The following ST6GALNAC3 variants were observed in gnomAD, a reference collection of about 807,000 sequenced individuals.
ST6GALNAC3 encodes the protein alpha-N-acetylgalactosaminide alpha-2,6-sialyltransferase 3.
ST6GALNAC3 carries 25 observed loss-of-function variants against 32.7 expected under a neutral mutation model. The observed-to-expected ratio is 0.76, with a 90% CI of 0.56 to 1.07. The LOEUF is 1.07. Ranked by LOEUF, ST6GALNAC3 falls within the 50% of genes least tolerant of loss-of-function variation. The pLI is 0.00. For synonymous variants in ST6GALNAC3, 129 were observed against 133.1 expected, an observed-to-expected ratio of 0.97 and a Z score of 0.21; for missense variants, 355 against 382.4, an observed-to-expected ratio of 0.93 and a Z score of 0.60.
At chr1:76,457,278 C>T (rs1465174974) in intron 3 of ST6GALNAC3, among the ~76,000 whole-genome samples, 2 of 151,992 alleles carry the variant, frequency 1.3e-5, no homozygotes, top group East Asian at 3.9e-4. Flanking sequence ...GCCATACTGC[C>T]CAAGGTAATT....
chr1:76,519,877 T>C (rs1433666688), intron 3 of ST6GALNAC3, among the ~76,000 whole-genome samples: 2 of 151,782 alleles, frequency 1.3e-5, no homozygotes, highest in East Asian at 1.9e-4. Context: ...TTTTAAAAAG[T>C]GTATAAATAT....
chr1:76,626,162 A>T (rs1648954971), intron 3 of ST6GALNAC3, among the ~76,000 whole-genome samples: 1 of 151,868 alleles, frequency 6.6e-6, no homozygotes, highest in East Asian at 1.9e-4. Context: ...TGGTACTGGG[A>T]TGTGCATCAA....
intron 1 of ST6GALNAC3, among the ~76,000 whole-genome samples, chr1:76,153,041 A>G (rs1651152626): frequency 6.6e-6 from 1 of 152,222 alleles, no homozygotes; most frequent in South Asian, 2.1e-4. Flanking sequence ...TTTTGAAGAT[A>G]TTGGATACAA....
intron 3 of ST6GALNAC3, among the ~76,000 whole-genome samples, chr1:76,479,631 A>G (rs576461997): frequency 4.0e-4 from 61 of 152,276 alleles, no homozygotes; most frequent in South Asian, 3.7e-3. Context: ...ACACACTCCC[A>G]TGATAACTCA....
intron 1 of ST6GALNAC3, among the ~76,000 whole-genome samples, chr1:76,113,986 G>A (rs112134112): frequency 0.016 from 2,314 of 148,376 alleles, 44 homozygotes; most frequent in Middle Eastern, 0.079. Context: ...CACCACGCCC[G>A]GCTAATTTTT....
At chr1:76,188,405 G>T (rs1430028179) in intron 1 of ST6GALNAC3, among the ~76,000 whole-genome samples, 1 of 152,160 alleles carries the variant, frequency 6.6e-6, no homozygotes, top group Non-Finnish European at 1.5e-5. Flanking sequence ...GGGTGAAAAT[G>T]ATTATTATAG....
intron 3 of ST6GALNAC3, among the ~76,000 whole-genome samples, chr1:76,556,415 G>T (rs1026424955): frequency 2.0e-5 from 3 of 151,944 alleles, no homozygotes; most frequent in African/African-American, 7.3e-5. Flanking sequence ...GGAATTGCTG[G>T]TGCTTATACT....
At chr1:76,400,447 C>T (rs1653318588) in intron 2 of ST6GALNAC3, among the ~76,000 whole-genome samples, 1 of 152,100 alleles carries the variant, frequency 6.6e-6, no homozygotes, top group South Asian at 2.1e-4. Flanking sequence ...AACAGACAAA[C>T]TATGAATATT....
chr1:76,085,209 T>C (rs1646949115), intron 1 of ST6GALNAC3, among the ~76,000 whole-genome samples: 1 of 152,248 alleles, frequency 6.6e-6, no homozygotes, highest in Admixed American at 6.5e-5. Context: ...TTATTCACCA[T>C]ATCTGCTTTC....
At chr1:76,211,726 A>G (rs1167086563) in intron 1 of ST6GALNAC3, among the ~76,000 whole-genome samples, 1 of 151,460 alleles carries the variant, frequency 6.6e-6, no homozygotes, top group Non-Finnish European at 1.5e-5. Flanking sequence ...ATAGGTGGGA[A>G]TTGAACAATG....
intron 3 of ST6GALNAC3, among the ~76,000 whole-genome samples, chr1:76,492,753 G>A (rs1007777619): frequency 2.0e-5 from 3 of 152,178 alleles, no homozygotes; most frequent in Admixed American, 2.0e-4. Flanking sequence ...ATGAATAAAG[G>A]AAGGAGAACA....
In ST6GALNAC3 at chr1:76,624,491, G is replaced by A. The variant is rs548804849; in HGVS notation, c.624-2961G>A. Among the ~76,000 whole-genome samples, 12 of 152,058 alleles carry A rather than the reference G, an allele frequency of 7.9e-5. No homozygotes were observed. In the South Asian group the frequency reaches 1.7e-3, roughly 21 times the overall value. On this transcript the variant is annotated intron_variant, in intron 3 of 4. Transcript: ENST00000328299. ...TGTGGGCTAGACCAGAATGAGTCAG[G>A]AGAGCTTGCTTGTTTCACAGAATAA...
intron 2 of ST6GALNAC3, among the ~76,000 whole-genome samples, chr1:76,348,267 C>T (rs1253034364): frequency 5.9e-5 from 9 of 152,080 alleles, no homozygotes; most frequent in East Asian, 1.9e-4. Context: ...TTGACTTGTG[C>T]ACTTTCTGAC....
intron 3 of ST6GALNAC3, among the ~76,000 whole-genome samples, chr1:76,525,048 T>G (rs868647709): frequency 2.0e-5 from 3 of 152,218 alleles, no homozygotes; most frequent in Middle Eastern, 3.4e-3. Context: ...CATAATATTC[T>G]CTCATTATGA....
intron 2 of ST6GALNAC3, among the ~76,000 whole-genome samples, chr1:76,347,043 T>C (rs1189192822): frequency 6.6e-6 from 1 of 151,668 alleles, no homozygotes; most frequent in African/African-American, 2.4e-5. Context: ...ATCCTTTCAC[T>C]GTCATGCCAC....
chr1:76,400,600 T>C (rs1466020191), intron 2 of ST6GALNAC3, among the ~76,000 whole-genome samples: 1 of 152,154 alleles, frequency 6.6e-6, no homozygotes, highest in Non-Finnish European at 1.5e-5. Flanking sequence ...GAAAGTGTAA[T>C]GTTACGCTGG....
chr1:76,434,723 T>C (rs972107939), intron 3 of ST6GALNAC3, among the ~76,000 whole-genome samples: 1 of 151,902 alleles, frequency 6.6e-6, no homozygotes, highest in South Asian at 2.1e-4. Flanking sequence ...GATATTTGTA[T>C]GCATCTGCTT....
chr1:76,291,136 T>G (rs894977471), intron 1 of ST6GALNAC3, among the ~76,000 whole-genome samples: 2 of 152,230 alleles, frequency 1.3e-5, no homozygotes, highest in East Asian at 3.8e-4. Flanking sequence ...AACTTGAAAA[T>G]AAAGTGGTTC....
intron 3 of ST6GALNAC3, among the ~76,000 whole-genome samples, chr1:76,429,886 C>T (rs1655636825): frequency 6.6e-6 from 1 of 152,162 alleles, no homozygotes; most frequent in Non-Finnish European, 1.5e-5. Context: ...TTCTACCATT[C>T]CTTTTATTGA....
Sources: allele counts gnomAD v4.1 joint callset (sites outside exome capture counted in the v4.1 genomes callset), GRCh38; gene constraint gnomAD v4.1.1; transcripts MANE v1.5; gene names NCBI Gene and HGNC (gene_info 2026-07-23, HGNC 2026-07-21).